ETV5: variants seen among roughly 807,000 people sequenced by gnomAD.
ETV5 encodes ETS translocation variant 5.
Under a neutral mutation model 70.0 loss-of-function variants are expected in ETV5, and 10 were observed. The observed-to-expected ratio is 0.14, with a 90% CI of 0.09 to 0.24. The LOEUF (loss-of-function observed/expected upper bound fraction) is 0.24, where lower values mean the gene tolerates loss of function less well. ETV5 is among the 10% of genes least tolerant of loss of function. The probability of loss-of-function intolerance (pLI) is 1.00; values close to 1 mark genes in which losing one functional copy is unlikely to be tolerated. For missense variants in ETV5, 453 were observed against 651.2 expected (o/e 0.70, Z 3.31); for synonymous variants, 216 against 242.2 (o/e 0.89, Z 1.01).
chr3:186,091,346 T>A (rs1278317383), intron 5 of ETV5, among the ~76,000 whole-genome samples: 4 of 152,312 alleles, frequency 2.6e-5, no homozygotes, highest in Non-Finnish European at 1.5e-5. Flanking sequence ...GGGGTATTTT[T>A]GCTATTTGTC....
intron 12 of ETV5, among the ~76,000 whole-genome samples, chr3:186,049,990 T>G (rs1312318596): frequency 2.0e-5 from 3 of 152,188 alleles, no homozygotes; most frequent in Non-Finnish European, 4.4e-5. Flanking sequence ...CTACAGCTTT[T>G]CTAAGTCTCT....
chr3:186,108,392 C>A, intron 1 of ETV5: 1 of 711,510 alleles, frequency 1.4e-6, no homozygotes, highest in South Asian at 1.4e-5. Context: ...CACTTTCCAC[C>A]ACCTGAAACT....
intron 5 of ETV5, chr3:186,095,419 T>A (rs987705871): frequency 6.6e-5 from 10 of 152,238 alleles, no homozygotes; most frequent in African/African-American, 2.2e-4. Context: ...TAAAGTGAAA[T>A]GTTAACAGTA....
rs951714773 is a variant in ETV5, at chr3:186,105,075, T to C, written c.232+230A>G. 2 of 429,566 alleles carry C rather than the reference T, an allele frequency of 4.7e-6. No homozygotes were observed. The highest frequency in any genetic ancestry group is 8.2e-6 in the Non-Finnish European group (2 of 245,230). The allele number at this position is 429,566 out of a possible 1,614,324, so 26.6% of individuals were successfully genotyped here. On this transcript the variant is annotated intron_variant, in intron 5 of 12. Transcript: ENST00000306376. The surrounding 1 kb of genome is among the most constrained non-coding windows in gnomAD (Gnocchi z 4.5). ...AATATTCTTAAGGTAAAAAGAAATT[T>C]AGGATAAAATTATGTTCAGTAAATC...
intron 5 of ETV5, among the ~76,000 whole-genome samples, chr3:186,104,248 A>G (rs1399604845): frequency 6.6e-6 from 1 of 152,068 alleles, no homozygotes; most frequent in Non-Finnish European, 1.5e-5. Flanking sequence ...TGTCCTTCAT[A>G]ACTCTGCCTA....
chr3:186,104,199 A>G (rs1714533208), intron 5 of ETV5, among the ~76,000 whole-genome samples: 1 of 152,204 alleles, frequency 6.6e-6, no homozygotes, highest in African/African-American at 2.4e-5. Flanking sequence ...AATGCTCTCT[A>G]GAGCAGCCCT....
In ETV5 at chr3:186,092,389, A is replaced by C. The variant is rs537499664; in HGVS notation, c.233-11214T>G. 2.6e-5 allele frequency among the ~76,000 whole-genome samples: 4 copies of C among 152,354 alleles called. No individual in the cohort carries two copies. The South Asian group carries it at 8.3e-4, about 32-fold the overall frequency. ...AATTTCTCCCAGAATACAGGAATTA[A>C]GAGTTATTGATAAAATTTTCCCCAC... On this transcript the variant is annotated intron_variant, in intron 5 of 12. Coordinates refer to ENST00000306376, the MANE Select transcript of ETV5 (RefSeq NM_004454.3).
At chr3:186,073,060 A>AG (rs1713682993) in intron 7 of ETV5, among the ~76,000 whole-genome samples, 2 of 152,134 alleles carry the variant, frequency 1.3e-5, no homozygotes, top group Admixed American at 1.3e-4. Flanking sequence ...TGAACTCGGG[A>AG]GGGGGAGGTT....
intron 9 of ETV5, among the ~76,000 whole-genome samples, chr3:186,058,803 C>G (rs1713229569): frequency 6.6e-6 from 1 of 151,992 alleles, no homozygotes; most frequent in Non-Finnish European, 1.5e-5. Context: ...CATCTGAGGT[C>G]AGGAGTTCGA....
At chr3:186,100,965 T>A (rs1714439421) in intron 5 of ETV5, among the ~76,000 whole-genome samples, 1 of 152,198 alleles carries the variant, frequency 6.6e-6, no homozygotes, top group African/African-American at 2.4e-5. Context: ...AGTAACACAC[T>A]CTTTAAGTAC....
chr3:186,068,054 G>C (rs988828635), intron 7 of ETV5, among the ~76,000 whole-genome samples: 2 of 152,314 alleles, frequency 1.3e-5, no homozygotes, highest in South Asian at 4.1e-4. Context: ...AGTCAGAAGA[G>C]AAGTGTTTTT....
chr3:186,079,007 C>T, intron 7 of ETV5: 1 of 1,050,802 alleles, frequency 9.5e-7, no homozygotes, highest in Non-Finnish European at 1.2e-6. Context: ...ATCCACCTAA[C>T]ACAAGATAGA....
intron 5 of ETV5, among the ~76,000 whole-genome samples, chr3:186,096,267 A>C (rs1366051350): frequency 6.6e-6 from 1 of 152,170 alleles, no homozygotes; most frequent in African/African-American, 2.4e-5. Context: ...ATTAAAATTC[A>C]GATGAGGAAA....
At chr3:186,058,492 A>G (rs1713221414) in intron 9 of ETV5, among the ~76,000 whole-genome samples, 1 of 152,098 alleles carries the variant, frequency 6.6e-6, no homozygotes. Context: ...CTCATACTAC[A>G]GGTCTGTGTG....
chr3:186,055,784 G>GT (rs975212217), intron 11 of ETV5, among the ~76,000 whole-genome samples: 19 of 152,084 alleles, frequency 1.2e-4, no homozygotes, highest in Non-Finnish European at 1.9e-4. Flanking sequence ...CCATGCCAGC[G>GT]TATTTCTCTG....
chr3:186,104,581 A>G (rs2108446175), intron 5 of ETV5, among the ~76,000 whole-genome samples: 1 of 152,268 alleles, frequency 6.6e-6, no homozygotes, highest in African/African-American at 2.4e-5. Context: ...ACCTTTAAGA[A>G]AAAGAGAAAT....
chr3:186,085,680 T>C (rs554423412), intron 5 of ETV5, among the ~76,000 whole-genome samples: 1 of 152,110 alleles, frequency 6.6e-6, no homozygotes, highest in South Asian at 2.1e-4. Context: ...GGCTAATTTT[T>C]TGTATTTTTA....
At chr3:186,069,556 T>C (rs1311530728) in intron 7 of ETV5, among the ~76,000 whole-genome samples, 1 of 151,868 alleles carries the variant, frequency 6.6e-6, no homozygotes, top group Non-Finnish European at 1.5e-5. Context: ...AAAAAAGTCT[T>C]GCTCTGTCAC....
chr3:186,060,847 A>G (rs1423898420), intron 9 of ETV5, among the ~76,000 whole-genome samples: 1 of 152,120 alleles, frequency 6.6e-6, no homozygotes, highest in Non-Finnish European at 1.5e-5. Context: ...TCTTTCCTAA[A>G]TGTTGTAATT....
Sources: allele counts gnomAD v4.1 joint callset (sites outside exome capture counted in the v4.1 genomes callset), GRCh38; gene constraint gnomAD v4.1.1; non-coding constraint Gnocchi (gnomAD v3.1); transcripts MANE v1.5; gene names NCBI Gene and HGNC (gene_info 2026-07-23, HGNC 2026-07-21).